ADGRB3: variants seen among roughly 807,000 people sequenced by gnomAD.
ADGRB3 encodes brain-specific angiogenesis inhibitor 3.
In ADGRB3, 37 loss-of-function variants were observed where a neutral mutation model predicts 193.4. The ratio of observed to expected loss-of-function variants is 0.19; its 90% confidence interval spans 0.15 to 0.25. ADGRB3 has a LOEUF of 0.25. Ranked by LOEUF, ADGRB3 falls within the 10% of genes least tolerant of loss-of-function variation. ADGRB3 has a pLI of 1.00. For synonymous variants in ADGRB3, 690 were observed against 644.2 expected, an observed-to-expected ratio of 1.07 and a Z score of -1.08; for missense variants, 1,637 against 1,852.9, an observed-to-expected ratio of 0.88 and a Z score of 2.14.
chr6:69,315,938 G>C (rs1291387422), intron 20 of ADGRB3, among the ~76,000 whole-genome samples: 1 of 150,964 alleles, frequency 6.6e-6, no homozygotes, highest in African/African-American at 2.4e-5. Flanking sequence ...ACTCTTTAAG[G>C]GTTTCTAAAT....
intron 28 of ADGRB3, 84 bp from the exon 29 acceptor site, chr6:69,360,785 G>C (rs985155931): frequency 2.2e-6 from 3 of 1,343,548 alleles, no homozygotes; most frequent in Admixed American, 2.4e-5. Context: ...TTAATGTTTA[G>C]TAGAAAGCGA....
At chr6:69,135,556 G>A (rs1336851247) in intron 17 of ADGRB3, among the ~76,000 whole-genome samples, 1 of 151,976 alleles carries the variant, frequency 6.6e-6, no homozygotes, top group East Asian at 1.9e-4. Context: ...CAGGCAACAT[G>A]GCATTTATAC....
chr6:68,882,327 A>G (rs1765755197), intron 3 of ADGRB3, among the ~76,000 whole-genome samples: 2 of 152,214 alleles, frequency 1.3e-5, no homozygotes, highest in Non-Finnish European at 2.9e-5. Context: ...CATACAAATA[A>G]TAAGTATTAT....
chr6:69,258,929 A>G (rs916537363), intron 20 of ADGRB3, among the ~76,000 whole-genome samples: 1 of 152,234 alleles, frequency 6.6e-6, no homozygotes, highest in South Asian at 2.1e-4. Context: ...GCAACAAAAA[A>G]CAGAAAGCTA....
intron 26 of ADGRB3, 129 bp downstream of exon 26, chr6:69,339,633 T>G: frequency 8.6e-7 from 1 of 1,160,694 alleles, no homozygotes; most frequent in South Asian, 1.5e-5. Context: ...CACTTGGGAA[T>G]CAAAGCTGAA....
intron 3 of ADGRB3, among the ~76,000 whole-genome samples, chr6:68,925,677 T>C (rs965556873): frequency 6.6e-6 from 1 of 152,050 alleles, no homozygotes; most frequent in African/African-American, 2.4e-5. Context: ...CAAGTCATTG[T>C]AGTTGAGGGC....
chr6:69,312,659 C>A (rs367564470), intron 20 of ADGRB3, among the ~76,000 whole-genome samples: 4 of 151,638 alleles, frequency 2.6e-5, no homozygotes, highest in Non-Finnish European at 4.4e-5. Flanking sequence ...TCTTCCTGCA[C>A]CCCACCATGG....
intron 3 of ADGRB3, among the ~76,000 whole-genome samples, chr6:68,695,954 A>G (rs1765150007): frequency 6.6e-6 from 1 of 151,836 alleles, no homozygotes; most frequent in Non-Finnish European, 1.5e-5. Context: ...CATATCTAGG[A>G]TTTTTGTTGT....
intron 3 of ADGRB3, among the ~76,000 whole-genome samples, chr6:68,878,748 T>C (rs563263503): frequency 1.3e-5 from 2 of 152,296 alleles, no homozygotes; most frequent in Admixed American, 6.5e-5. Flanking sequence ...GATAAAAACA[T>C]ACCTGAGACT....
chr6:68,938,021 C>G (rs1767528242), intron 5 of ADGRB3, among the ~76,000 whole-genome samples: 1 of 151,836 alleles, frequency 6.6e-6, no homozygotes, highest in Non-Finnish European at 1.5e-5. Flanking sequence ...TGGGCGATCC[C>G]TTTAGAATAG....
At chr6:69,269,647 C>G (rs1767130035) in intron 20 of ADGRB3, among the ~76,000 whole-genome samples, 1 of 152,070 alleles carries the variant, frequency 6.6e-6, no homozygotes, top group African/African-American at 2.4e-5. Flanking sequence ...AATATCGTGA[C>G]TGATGTGCCC....
At chr6:69,363,086 T>A (rs2127333898) in intron 29 of ADGRB3, among the ~76,000 whole-genome samples, 1 of 152,158 alleles carries the variant, frequency 6.6e-6, no homozygotes, top group South Asian at 2.1e-4. Flanking sequence ...GCTGGATTGA[T>A]ATTGTACAGG....
intron 4 of ADGRB3, among the ~76,000 whole-genome samples, chr6:68,935,484 C>T (rs927398520): frequency 1.1e-4 from 17 of 152,146 alleles, no homozygotes; most frequent in Non-Finnish European, 2.2e-4. Context: ...TGTTAAATTG[C>T]TCTTTGATCT....
chr6:69,115,739 T>A (rs1195636784), intron 17 of ADGRB3, among the ~76,000 whole-genome samples: 1 of 152,252 alleles, frequency 6.6e-6, no homozygotes. Context: ...TGCAGTTAGC[T>A]GATGGCTTCC....
At chr6:68,825,931 A>G (rs13199883) in intron 3 of ADGRB3, among the ~76,000 whole-genome samples, 40,608 of 151,530 alleles carry the variant, frequency 0.27, 6,580 homozygotes, top group Middle Eastern at 0.49. Flanking sequence ...AAATACAACC[A>G]CTTTTTACAA....
At chr6:68,762,842 A>G (rs966090463) in intron 3 of ADGRB3, among the ~76,000 whole-genome samples, 1 of 152,170 alleles carries the variant, frequency 6.6e-6, no homozygotes, top group Non-Finnish European at 1.5e-5. Flanking sequence ...TGAATTATTT[A>G]TAATAGCACA....
intron 20 of ADGRB3, among the ~76,000 whole-genome samples, chr6:69,320,227 T>A (rs1334174963): frequency 6.6e-6 from 1 of 151,526 alleles, no homozygotes; most frequent in African/African-American, 2.4e-5. Flanking sequence ...CTCCCATCTT[T>A]GAACCCTTCC....
chr6:69,015,531 G>A (rs981691228), intron 12 of ADGRB3, among the ~76,000 whole-genome samples: 1 of 151,978 alleles, frequency 6.6e-6, no homozygotes, highest in African/African-American at 2.4e-5. Flanking sequence ...TGGTGAATGG[G>A]TCTCTTGAGT....
intron 16 of ADGRB3, among the ~76,000 whole-genome samples, chr6:69,067,525 A>G (rs1197982355): frequency 1.3e-5 from 2 of 152,192 alleles, no homozygotes; most frequent in African/African-American, 2.4e-5. Flanking sequence ...TCATGAATAT[A>G]AAGGTTAATA....
Sources: allele counts gnomAD v4.1 joint callset (sites outside exome capture counted in the v4.1 genomes callset), GRCh38; gene constraint gnomAD v4.1.1; transcripts MANE v1.5; gene names NCBI Gene and HGNC (gene_info 2026-07-23, HGNC 2026-07-21).